ROBO2: variants seen among roughly 807,000 people sequenced by gnomAD.
ROBO2 encodes the protein roundabout homolog 2.
Under a neutral mutation model 160.8 loss-of-function variants are expected in ROBO2, and 53 were observed. That is an observed-to-expected ratio of 0.33 (90% CI 0.26 to 0.41). The LOEUF (loss-of-function observed/expected upper bound fraction) is 0.41, where lower values mean the gene tolerates loss of function less well. ROBO2 is among the 10% of genes least tolerant of loss of function. The pLI is 1.00. For missense variants in ROBO2, 1,577 were observed against 1,722.4 expected (o/e 0.92, Z 1.49); for synonymous variants, 664 against 611.7 (o/e 1.09, Z -1.26).
intron 6 of ROBO2, among the ~76,000 whole-genome samples, chr3:77,530,306 T>C (rs887035927): frequency 6.6e-6 from 1 of 152,020 alleles, no homozygotes; most frequent in African/African-American, 2.4e-5. Context: ...CTGGAATACT[T>C]AGAGATTCAG....
At chr3:76,484,376 GA>G (rs943201023) in intron 2 of ROBO2, among the ~76,000 whole-genome samples, 1 of 151,928 alleles carries the variant, frequency 6.6e-6, no homozygotes, top group Non-Finnish European at 1.5e-5. Flanking sequence ...TAAAAAATAA[GA>G]AAAAAACACT....
intron 2 of ROBO2, among the ~76,000 whole-genome samples, chr3:76,391,303 T>G (rs913466927): frequency 6.6e-6 from 1 of 152,170 alleles, no homozygotes; most frequent in African/African-American, 2.4e-5. Context: ...AAAATGGTTT[T>G]GAGACTAAGA....
chr3:76,447,179 T>A (rs1428470968), intron 2 of ROBO2, among the ~76,000 whole-genome samples: 8 of 152,152 alleles, frequency 5.3e-5, no homozygotes, highest in African/African-American at 1.9e-4. Flanking sequence ...TACAATGAAC[T>A]CAAACAAATT....
Position 76,925,190 on chromosome 3 carries a change from G to C in ROBO2, c.110-172824G>C, listed in dbSNP as rs1016903601. 1.3e-3 allele frequency among the ~76,000 whole-genome samples: 184 copies of C among 136,892 alleles called. 3 individuals carry two copies. The Middle Eastern group carries it at 0.02, about 15-fold the overall frequency. 89.8% of individuals were successfully genotyped at this position (136,892 alleles called of 152,430 possible). ...CCCGCCACTGCACTCCAGCCTGGGC[G>C]ACAGAGCGAGACTCCGTCTCAAAAA... On this transcript the variant is annotated intron_variant, in intron 2 of 26. Transcript: ENST00000487694.
At chr3:76,971,057 A>G (rs943667755) in intron 2 of ROBO2, among the ~76,000 whole-genome samples, 2 of 152,214 alleles carry the variant, frequency 1.3e-5, no homozygotes, top group Admixed American at 6.5e-5. Flanking sequence ...TTCCCATTAC[A>G]CTATGAAGTT....
At chr3:76,983,952 A>T (rs1229380816) in intron 2 of ROBO2, among the ~76,000 whole-genome samples, 1 of 152,204 alleles carries the variant, frequency 6.6e-6, no homozygotes, top group Non-Finnish European at 1.5e-5. Context: ...GCCTCAGGAA[A>T]CTTAACAATC....
chr3:75,923,014 G>A (rs1348784678), intron 1 of ROBO2, among the ~76,000 whole-genome samples: 2 of 152,140 alleles, frequency 1.3e-5, no homozygotes, highest in African/African-American at 2.4e-5. Context: ...AGCCTTTCAG[G>A]TATAAAGACA....
chr3:77,602,025 G>A (rs1311936103), intron 19 of ROBO2, among the ~76,000 whole-genome samples, 185 bp from the exon 21 acceptor site: 1 of 152,204 alleles, frequency 6.6e-6, no homozygotes, highest in African/African-American at 2.4e-5. Context: ...CAGTAGGCCT[G>A]CCTGTCACTG....
At chr3:76,246,512 A>G (rs1705631540) in intron 2 of ROBO2, among the ~76,000 whole-genome samples, 1 of 152,130 alleles carries the variant, frequency 6.6e-6, no homozygotes, top group African/African-American at 2.4e-5. Flanking sequence ...TCTGTATAAA[A>G]TGTTTCATGA....
At chr3:77,602,039 C>T (rs2094439790) in intron 19 of ROBO2, among the ~76,000 whole-genome samples, 171 bp from the exon 21 acceptor site, 1 of 152,170 alleles carries the variant, frequency 6.6e-6, no homozygotes, top group African/African-American at 2.4e-5. Context: ...GTCACTGAGG[C>T]TGATAGCTTG....
chr3:76,362,181 A>G lies in ROBO2; in HGVS notation c.109+424579A>G, dbSNP rs547573387. Among the ~76,000 whole-genome samples the G allele has an allele frequency of 2.2e-4, 34 of 152,126 alleles. No homozygotes were observed. In the South Asian group the frequency reaches 6.0e-3, roughly 27 times the overall value. ...GGAGTTTGAGACCAGCCTGGTCAAC[A>G]TGGTGAAACCCATCTCTACAAATAA... On this transcript the variant is annotated intron_variant, in intron 2 of 26. Coordinates refer to the ROBO2 transcript ENST00000487694.
chr3:76,284,947 G>T (rs1392992989), intron 2 of ROBO2, among the ~76,000 whole-genome samples: 1 of 152,046 alleles, frequency 6.6e-6, no homozygotes, highest in Non-Finnish European at 1.5e-5. Flanking sequence ...TTTTCCCACT[G>T]CTCTTTTCAA....
At chr3:76,565,316 T>C (rs538468614) in intron 2 of ROBO2, among the ~76,000 whole-genome samples, 4 of 152,348 alleles carry the variant, frequency 2.6e-5, no homozygotes, top group South Asian at 2.1e-4. Context: ...TTTACCTCAA[T>C]AGAAATAGCA....
chr3:76,452,326 C>A (rs1196394211), intron 2 of ROBO2, among the ~76,000 whole-genome samples: 2 of 152,042 alleles, frequency 1.3e-5, no homozygotes, highest in African/African-American at 2.4e-5. Flanking sequence ...ATCCCTCCCC[C>A]TTCCCCCCAC....
intron 2 of ROBO2, among the ~76,000 whole-genome samples, chr3:77,158,035 A>G (rs1316128294): frequency 6.6e-6 from 1 of 152,164 alleles, no homozygotes; most frequent in Non-Finnish European, 1.5e-5. Flanking sequence ...AATGAATCTA[A>G]TCTCATTCAA....
At chr3:77,140,247 A>C (rs1243320003) in intron 2 of ROBO2, among the ~76,000 whole-genome samples, 1 of 152,156 alleles carries the variant, frequency 6.6e-6, no homozygotes, top group Non-Finnish European at 1.5e-5. Flanking sequence ...TTTTTAGATT[A>C]AGATGAAATG....
chr3:76,728,140 C>G (rs2093581888), intron 2 of ROBO2, among the ~76,000 whole-genome samples: 1 of 151,702 alleles, frequency 6.6e-6, no homozygotes. Context: ...GGCACGTGCT[C>G]TTGCTATAGA....
rs985445125 is a variant in ROBO2, at chr3:76,073,731, T to C, written c.109+136129T>C. On this transcript the variant is annotated intron_variant, in intron 2 of 26. Coordinates refer to the ROBO2 transcript ENST00000487694. ...CGCTAGAGCTGTTATAAGTGAGCTT[T>C]GAATTTATGTCAAGAGTCCTGGTAG... Among the ~76,000 whole-genome samples the C allele has an allele frequency of 6.6e-5, 10 of 152,342 alleles. 1 individual carries two copies. Among genetic ancestry groups the C allele is most frequent in the African/African-American group, 2.4e-4 (10 of 41,574 alleles).
chr3:76,731,574 C>A (rs1053301235), intron 2 of ROBO2, among the ~76,000 whole-genome samples: 7 of 151,958 alleles, frequency 4.6e-5, no homozygotes, highest in African/African-American at 1.7e-4. Flanking sequence ...ATTGAATGAC[C>A]AGATTGAAAT....
Sources: gnomAD v4.1 joint callset for allele counts (sites outside exome capture counted in the v4.1 genomes callset) on GRCh38, gnomAD v4.1.1 for gene constraint, MANE v1.5 for transcripts, NCBI Gene and HGNC (gene_info 2026-07-23, HGNC 2026-07-21) for gene names.